Variants in MATN3 observed in about 807,000 individuals in gnomAD.
The protein encoded by MATN3 is matrilin 3, also known as matrilin-3.
MATN3 carries 48 observed loss-of-function variants against 45.3 expected under a neutral mutation model. The ratio of observed to expected loss-of-function variants is 1.06; its 90% CI spans 0.84 to 1.35. MATN3 has a LOEUF of 1.35. MATN3 is among the 40% of genes most tolerant of loss of function. The pLI is 0.00. For synonymous variants in MATN3, 217 were observed against 245.9 expected (o/e 0.88, Z 1.10); for missense variants, 599 against 628.0 (o/e 0.95, Z 0.49).
At chr2:20,006,766 T>C (rs895704548) in intron 1 of MATN3, among the ~76,000 whole-genome samples, 1 of 152,184 alleles carries the variant, frequency 6.6e-6, no homozygotes, top group East Asian at 1.9e-4. Context: ...CAGGCAATGG[T>C]AGTCTGAGGC....
Position 20,012,550 on chromosome 2 carries a change from G to A in MATN3, c.82C>T (p.Pro28Ser), listed in dbSNP as rs1167151227. Residue 28 changes from proline (P) to serine (S), a missense_variant, in exon 1 of 8, where the codon CCC becomes TCC. Coordinates refer to ENST00000407540, the MANE Select transcript of MATN3 (RefSeq NM_002381.5). This position sits in a 1 kb window ranked among gnomAD's most constrained non-coding sequence, Gnocchi z 4.3. Reference protein sequence around the residue: ...WPLLLLPSAAPDPVARPGFRR... With the variant: ...WPLLLLPSAASDPVARPGFRR... ...AAGCCCGGGCGGGCCACGGGGTCGGGGGCGGCGGAGGGCAGCAGCAGCAGC... is the reference window on the plus strand; with the variant it reads ...AAGCCCGGGCGGGCCACGGGGTCGGAGGCGGCGGAGGGCAGCAGCAGCAGC... The A allele has an allele frequency of 2.4e-6, 3 of 1,226,364 alleles. No homozygotes were observed. Among genetic ancestry groups the A allele is most frequent in the Non-Finnish European group, 3.0e-6 (3 of 984,926 alleles). 76.0% of individuals were successfully genotyped at this position (1,226,364 alleles called of 1,614,324 possible).
chr2:20,012,547 C>CCCG lies in MATN3; in HGVS notation c.84_85insCGG (p.Pro28_Asp29insArg). On this transcript the variant is annotated inframe_insertion, in exon 1 of 8. Coordinates refer to ENST00000407540, the MANE Select transcript of MATN3 (RefSeq NM_002381.5). The surrounding 1 kb of genome is among the most constrained non-coding windows in gnomAD (Gnocchi z 4.3). ...CGGAAGCCCGGGCGGGCCACGGGGT[C>CCCG]GGGGGCGGCGGAGGGCAGCAGCAGC... The CCCG allele has an allele frequency of 8.2e-7, 1 of 1,226,246 alleles. No homozygotes were observed. The highest frequency in any genetic ancestry group is 3.2e-5 in the East Asian group (1 of 31,114). 76.0% of individuals were successfully genotyped at this position (1,226,246 alleles called of 1,614,324 possible). A position where few individuals can be genotyped will look rare whatever the true frequency, so the allele number is the denominator to read the frequency against.
intron 6 of MATN3, among the ~76,000 whole-genome samples, chr2:19,996,640 G>A (rs1672874571): frequency 6.6e-6 from 1 of 152,118 alleles, no homozygotes; most frequent in African/African-American, 2.4e-5. Flanking sequence ...GAATCTGGGG[G>A]CAAATGTAGT....
chr2:20,001,460 A>G (rs1489475557), intron 4 of MATN3, among the ~76,000 whole-genome samples: 2 of 152,172 alleles, frequency 1.3e-5, no homozygotes, highest in Non-Finnish European at 2.9e-5. Flanking sequence ...AGGTTTTTCT[A>G]ATCTTTCCTC....
At chr2:19,998,272 C>G (rs1203330581) in intron 5 of MATN3, among the ~76,000 whole-genome samples, 3 of 151,740 alleles carry the variant, frequency 2.0e-5, no homozygotes, top group Admixed American at 6.6e-5. Context: ...ATTTTTTTCC[C>G]CCTCATTCCA....
chr2:20,004,782 T>G (rs1038407449), intron 2 of MATN3, among the ~76,000 whole-genome samples: 2 of 152,202 alleles, frequency 1.3e-5, no homozygotes, highest in Non-Finnish European at 2.9e-5. Context: ...AATAAATGCA[T>G]GCTGAATAAA....
chr2:20,005,591 C>A (rs2077676), intron 2 of MATN3, among the ~76,000 whole-genome samples, 153 bp downstream of exon 2: 1 of 152,144 alleles, frequency 6.6e-6, no homozygotes, highest in Non-Finnish European at 1.5e-5. Flanking sequence ...CGCACACACG[C>A]GCGCATGCAC....
chr2:19,992,965 T>C lies in MATN3; in HGVS notation c.*146A>G, dbSNP rs965942252. The C allele has an allele frequency of 1.5e-6, 1 of 663,506 alleles. No homozygotes were observed. The highest frequency in any genetic ancestry group is 1.8e-5 in the South Asian group (1 of 54,216). The allele number at this position is 663,506 out of a possible 1,614,324, so 41.1% of individuals were successfully genotyped here. A position where few individuals can be genotyped will look rare whatever the true frequency, so the allele number is the denominator to read the frequency against. On this transcript the variant is annotated 3_prime_UTR_variant, in exon 8 of 8. Coordinates refer to ENST00000407540, the MANE Select transcript of MATN3 (RefSeq NM_002381.5). Reference sequence around the variant, plus strand: ...ATGCTGATTCTGCAGAAGATCTTCATACAATTTATCCAGTAATATTCAAGC... The same window carrying C: ...ATGCTGATTCTGCAGAAGATCTTCACACAATTTATCCAGTAATATTCAAGC...
Position 20,005,724 on chromosome 2 carries a change from G to T in MATN3, c.790+20C>A, listed in dbSNP as rs766025586. ...AATATAACATCCTTTCTAGTTGGAAGCAAAGACTGACCAACTTACCACAGA... is the reference window on the plus strand; with the variant it reads ...AATATAACATCCTTTCTAGTTGGAATCAAAGACTGACCAACTTACCACAGA... On this transcript the variant is annotated intron_variant, in intron 2 of 7. Coordinates refer to ENST00000407540, the MANE Select transcript of MATN3 (RefSeq NM_002381.5). 35 of 1,544,488 alleles carry T rather than the reference G, an allele frequency of 2.3e-5. No homozygotes were observed. Among genetic ancestry groups the T allele is most frequent in the Non-Finnish European group, 3.0e-5 (34 of 1,132,628 alleles).
chr2:20,010,158 A>C (rs1350203681), intron 1 of MATN3, among the ~76,000 whole-genome samples: 1 of 151,430 alleles, frequency 6.6e-6, no homozygotes, highest in African/African-American at 2.4e-5. Context: ...AATTATGTTG[A>C]AAATCTTTCC....
intron 3 of MATN3, among the ~76,000 whole-genome samples, chr2:20,002,680 G>A (rs2103482373): frequency 6.6e-6 from 1 of 152,188 alleles, no homozygotes; most frequent in South Asian, 2.1e-4. Context: ...GCTCACTGCA[G>A]CCTCGACCTC....
intron 2 of MATN3, among the ~76,000 whole-genome samples, chr2:20,005,316 C>A (rs1338421193): frequency 1.3e-5 from 2 of 152,114 alleles, no homozygotes; most frequent in Non-Finnish European, 2.9e-5. Context: ...TGCAGGAGAA[C>A]AAACAGAGTT....
intron 4 of MATN3, 112 bp from the exon 5 acceptor site, chr2:20,000,678 C>A: frequency 9.4e-7 from 1 of 1,061,020 alleles, no homozygotes; most frequent in Non-Finnish European, 1.3e-6. Flanking sequence ...TTACTGGAAA[C>A]TATTCAAAGC....
In MATN3 at chr2:19,995,378, G is replaced by C. The variant is rs537806756; in HGVS notation, c.1295-969C>G. ...TGAGGCAGGAGGATTGCTTGAACCC[G>C]GGAGGCAGAGGTTGCAGTGAGCTGA... On this transcript the variant is annotated intron_variant, in intron 6 of 7. Transcript: ENST00000407540. This position sits in a 1 kb window ranked among gnomAD's most constrained non-coding sequence, Gnocchi z 4.2. Among the ~76,000 whole-genome samples, 1 of 150,220 alleles carries C rather than the reference G, an allele frequency of 6.7e-6. No homozygotes were observed. Among genetic ancestry groups the C allele is most frequent in the African/African-American group, 2.5e-5 (1 of 40,788 alleles).
Position 20,001,963 on chromosome 2 carries a change from G to A in MATN3, c.1034C>T (p.Thr345Ile). 6.2e-7 allele frequency: 1 copy of A among 1,613,140 alleles called. No homozygotes were observed. Among genetic ancestry groups the A allele is most frequent in the Non-Finnish European group, 8.5e-7 (1 of 1,179,470 alleles). ...ACTCCTCCCTCACTTACCTGAACAA[G>A]TTTTCCTGTCTTCATTCAAGGTATA... The part of the protein sequence containing the change: ...EGYTLNEDRK[T>I]CSAQDKCALG... The change falls in exon 4 of 8, where the codon ACT (threonine) becomes ATT (isoleucine). Residue 345 changes from threonine to isoleucine, a missense_variant. By Grantham distance (89) the Thr-to-Ile change is moderately conservative (BLOSUM62 -1). Transcript: ENST00000407540.
At chr2:20,003,330 A>C in intron 2 of MATN3, 44 bp from the exon 3 acceptor site, 2 of 1,541,826 alleles carry the variant, frequency 1.3e-6, no homozygotes, top group Non-Finnish European at 8.8e-7. Context: ...CACTTAGGAA[A>C]CATCTCAGAT....
At chr2:19,996,287 GACTTGT>G (rs1389371345) in intron 6 of MATN3, among the ~76,000 whole-genome samples, 1 of 151,602 alleles carries the variant, frequency 6.6e-6, no homozygotes, top group Non-Finnish European at 1.5e-5. Flanking sequence ...AAAAGTACAA[GACTTGT>G]ACACTGAAAA....
At chr2:20,006,741 A>G (rs1673114512) in intron 1 of MATN3, among the ~76,000 whole-genome samples, 1 of 152,130 alleles carries the variant, frequency 6.6e-6, no homozygotes. Context: ...ACTGCCAACC[A>G]CTGTGCCCAA....
rs1247089220 is a variant in MATN3, at chr2:20,010,066, CTAA to C, written c.223+2340_223+2342del. Among the ~76,000 whole-genome samples the C allele has an allele frequency of 0.017, 95 of 5,554 alleles. 1 individual carries two copies. The Middle Eastern group carries it at 0.3, about 18-fold the overall frequency. 3.6% of individuals were successfully genotyped at this position (5,554 alleles called of 152,430 possible). Reference sequence around the variant, plus strand: ...GTCTCAGAATAAATCTCTTCAAATACTAAAAAAAAAAAAAAAAAAAAAAACCTC... The same window carrying C: ...GTCTCAGAATAAATCTCTTCAAATACAAAAAAAAAAAAAAAAAAAAACCTC... On this transcript the variant is annotated intron_variant, in intron 1 of 7. Transcript: ENST00000407540.
Sources: gnomAD v4.1 joint callset for allele counts (sites outside exome capture counted in the v4.1 genomes callset) on GRCh38, gnomAD v4.1.1 for gene constraint, Gnocchi (gnomAD v3.1) non-coding constraint, MANE v1.5 for transcripts, NCBI Gene and HGNC (gene_info 2026-07-23, HGNC 2026-07-21) for gene names.